The following GTF2I variants were observed in gnomAD, a reference collection of about 807,000 sequenced individuals.
The protein encoded by GTF2I is general transcription factor IIi, also known as general transcription factor II-I.
Under a neutral mutation model 67.6 loss-of-function variants are expected in GTF2I, and 12 were observed. The ratio of observed to expected loss-of-function variants is 0.18; its 90% CI spans 0.11 to 0.29. The LOEUF is 0.29. Among genes scored for constraint, GTF2I ranks in the 10% least tolerant of loss-of-function variants. The pLI is 1.00. For missense variants in GTF2I, 271 were observed against 580.1 expected (o/e 0.47, Z 5.47); for synonymous variants, 149 against 197.0 (o/e 0.76, Z 2.04).
chr7:74,679,326 T>C (rs1787005718), intron 1 of GTF2I, among the ~76,000 whole-genome samples: 1 of 152,190 alleles, frequency 6.6e-6, no homozygotes, highest in African/African-American at 2.4e-5. Flanking sequence ...TCCACCTGAC[T>C]TGACCTCCCA....
intron 6 of GTF2I, among the ~76,000 whole-genome samples, chr7:74,704,330 G>A (rs1396978494): frequency 2.7e-5 from 4 of 146,028 alleles, no homozygotes; most frequent in Non-Finnish European, 6.0e-5. Context: ...TTGCTCTGTC[G>A]CCCAGGCTGG....
At chr7:74,698,739 AAT>A (rs1554399039) in intron 3 of GTF2I, among the ~76,000 whole-genome samples, 1 of 152,014 alleles carries the variant, frequency 6.6e-6, no homozygotes, top group African/African-American at 2.4e-5. Context: ...ACAAATCACA[AAT>A]GACTTGCTAT....
At chr7:74,721,462 G>A (rs1453066364) in intron 12 of GTF2I, among the ~76,000 whole-genome samples, 1 of 152,094 alleles carries the variant, frequency 6.6e-6, no homozygotes, top group Non-Finnish European at 1.5e-5. Flanking sequence ...GAAATACCAG[G>A]TCTGAGTAAA....
intron 1 of GTF2I, among the ~76,000 whole-genome samples, chr7:74,681,183 C>G (rs1461102590): frequency 6.6e-6 from 1 of 152,132 alleles, no homozygotes; most frequent in Non-Finnish European, 1.5e-5. Flanking sequence ...GCCTGTAATC[C>G]CAGCACTTGG....
intron 1 of GTF2I, among the ~76,000 whole-genome samples, chr7:74,658,598 G>T (rs1804159638): frequency 6.6e-6 from 1 of 150,728 alleles, no homozygotes; most frequent in South Asian, 2.1e-4. Context: ...CAGCAGACGC[G>T]CGGGATTGGC....
At chr7:74,680,099 A>AAAAAAAAATATATAT in intron 1 of GTF2I, among the ~76,000 whole-genome samples, 35 of 94,964 alleles carry the variant, frequency 3.7e-4, no homozygotes, top group African/African-American at 1.4e-3. Flanking sequence ...AAAAAAAAAA[A>AAAAAAAAATATATAT]ATATATATAT....
chr7:74,666,974 T>C (rs1380052639), intron 1 of GTF2I, among the ~76,000 whole-genome samples: 1 of 151,760 alleles, frequency 6.6e-6, no homozygotes, highest in African/African-American at 2.4e-5. Flanking sequence ...TGTGACACTC[T>C]GTCTCAAAAA....
chr7:74,688,403 TTTTCA>T (rs1787935985), intron 1 of GTF2I, among the ~76,000 whole-genome samples: 1 of 152,078 alleles, frequency 6.6e-6, no homozygotes, highest in Non-Finnish European at 1.5e-5. Context: ...TGGTGTGTTG[TTTTCA>T]TTTTATTTTG....
chr7:74,705,189 T>C lies in GTF2I; in HGVS notation c.612T>C (p.Ala204=). Residue 204 remains alanine (A), a synonymous_variant, in exon 7 of 35, where the codon GCT becomes GCC. Coordinates refer to ENST00000573035, the MANE Select transcript of GTF2I (RefSeq NM_032999.4). The stretch of plus-strand genomic sequence containing the variant: ...GTGGTCGTGTGATGGTAACAGATGC[T>C]GACAGGTCAATACTATCTCCAGGTG... ...HVGGRVMVTD[A]DRSILSPGGS... The C allele has an allele frequency of 1.2e-6, 2 of 1,606,694 alleles. No individual in the cohort carries two copies. The highest frequency in any genetic ancestry group is 1.7e-5 in the Admixed American group (1 of 59,998).
In GTF2I at chr7:74,731,554, T is replaced by G. The variant is rs1794480680; in HGVS notation, c.1121-925T>G. Among the ~76,000 whole-genome samples, 11 of 966 alleles carry G rather than the reference T, an allele frequency of 0.011. 1 individual carries two copies. In the South Asian group the frequency reaches 0.15, roughly 13 times the overall value. The allele number at this position is 966 out of a possible 152,430, so 0.6% of individuals were successfully genotyped here. A position where few individuals can be genotyped will look rare whatever the true frequency, so the allele number is the denominator to read the frequency against. On this transcript the variant is annotated intron_variant, in intron 14 of 34. Transcript: ENST00000573035. ...TTTTTGTTTTTTGTTTTGTTGTTGTTTTTTTTTTTTTTGAGATAGAGTTTT... is the reference window on the plus strand; with the variant it reads ...TTTTTGTTTTTTGTTTTGTTGTTGTGTTTTTTTTTTTTGAGATAGAGTTTT...
At chr7:74,709,745 T>A (rs2131390475) in intron 8 of GTF2I, among the ~76,000 whole-genome samples, 1 of 151,896 alleles carries the variant, frequency 6.6e-6, no homozygotes, top group South Asian at 2.1e-4. Context: ...CCATCTCCGC[T>A]CACTGCAACC....
intron 8 of GTF2I, 93 bp from the exon 9 acceptor site, chr7:74,710,939 T>G (rs1474583151): frequency 1.6e-6 from 1 of 615,662 alleles, no homozygotes; most frequent in Admixed American, 3.6e-5. Context: ...AAATATGCAT[T>G]GCTGTATTTA....
At chr7:74,677,618 C>T (rs587661491) in intron 1 of GTF2I, among the ~76,000 whole-genome samples, 1 of 151,292 alleles carries the variant, frequency 6.6e-6, no homozygotes, top group South Asian at 2.1e-4. Flanking sequence ...CCCATCTCTA[C>T]TAAAAAAAAG....
intron 1 of GTF2I, among the ~76,000 whole-genome samples, chr7:74,674,704 A>G (rs1452465305): frequency 2.0e-5 from 3 of 149,078 alleles, no homozygotes; most frequent in Non-Finnish European, 4.4e-5. Flanking sequence ...ACGCTCAACT[A>G]ATTTTGCATT....
chr7:74,679,626 G>T (rs1171360147), intron 1 of GTF2I, among the ~76,000 whole-genome samples: 2 of 151,960 alleles, frequency 1.3e-5, no homozygotes, highest in African/African-American at 2.4e-5. Flanking sequence ...TTCTTTGATT[G>T]TTATTATGCA....
intron 1 of GTF2I, among the ~76,000 whole-genome samples, chr7:74,679,347 A>G (rs1291059183): frequency 1.3e-5 from 2 of 152,058 alleles, no homozygotes; most frequent in African/African-American, 2.4e-5. Flanking sequence ...AAATGCTGGG[A>G]TTACAGGCGT....
intron 11 of GTF2I, among the ~76,000 whole-genome samples, chr7:74,718,475 T>C (rs1554404010): frequency 6.6e-6 from 1 of 152,232 alleles, no homozygotes; most frequent in Non-Finnish European, 1.5e-5. Context: ...TGTGGTTTTA[T>C]TGAACAGTAG....
intron 10 of GTF2I, 141 bp from the exon 11 acceptor site, chr7:74,716,753 G>C (rs948575204): frequency 5.3e-6 from 3 of 561,262 alleles, no homozygotes; most frequent in Non-Finnish European, 9.4e-6. Context: ...AACATTGTTC[G>C]ACTTAACTGC....
chr7:74,678,207 A>G (rs1280379152), intron 1 of GTF2I, among the ~76,000 whole-genome samples: 4 of 146,648 alleles, frequency 2.7e-5, no homozygotes, highest in Non-Finnish European at 5.9e-5. Context: ...GGTGTGAGCT[A>G]CTGAGCCCGG....
Sources: gnomAD v4.1 joint callset for allele counts (sites outside exome capture counted in the v4.1 genomes callset) on GRCh38, gnomAD v4.1.1 for gene constraint, MANE v1.5 for transcripts, NCBI Gene and HGNC (gene_info 2026-07-23, HGNC 2026-07-21) for gene names.